Variants in TANC1 observed in about 807,000 individuals in gnomAD.
TANC1 encodes the protein protein TANC1.
Under a neutral mutation model 149.7 loss-of-function variants are expected in TANC1, and 77 were observed. The ratio of observed to expected loss-of-function variants is 0.51; its 90% CI spans 0.43 to 0.62. TANC1 has a LOEUF of 0.62. Among genes scored for constraint, TANC1 ranks in the 20% least tolerant of loss-of-function variants. The pLI is 0.00. For synonymous variants in TANC1, 854 were observed against 925.0 expected, an observed-to-expected ratio of 0.92 and a Z score of 1.39; for missense variants, 1,985 against 2,321.8, an observed-to-expected ratio of 0.85 and a Z score of 2.98.
At chr2:159,053,686 C>T (rs1182962363) in intron 2 of TANC1, among the ~76,000 whole-genome samples, 1 of 152,122 alleles carries the variant, frequency 6.6e-6, no homozygotes, top group East Asian at 1.9e-4. Flanking sequence ...AGAAATGAGG[C>T]AGTTTTCTGG....
At chr2:159,034,357 C>A (rs995113093) in intron 2 of TANC1, among the ~76,000 whole-genome samples, 1 of 152,214 alleles carries the variant, frequency 6.6e-6, no homozygotes, top group Admixed American at 6.5e-5. Context: ...AAATATTTCC[C>A]ACCTGACCCC....
intron 2 of TANC1, among the ~76,000 whole-genome samples, chr2:159,019,383 A>C (rs1016300140): frequency 6.6e-6 from 1 of 152,204 alleles, no homozygotes; most frequent in Non-Finnish European, 1.5e-5. Context: ...GCAAATTTTC[A>C]AGAGAAACTA....
At chr2:159,041,046 C>T (rs1227738826) in intron 2 of TANC1, among the ~76,000 whole-genome samples, 2 of 152,216 alleles carry the variant, frequency 1.3e-5, no homozygotes, top group Non-Finnish European at 2.9e-5. Flanking sequence ...TTGGAGTTTG[C>T]TGGAGGTTCA....
intron 2 of TANC1, among the ~76,000 whole-genome samples, chr2:159,059,063 T>C (rs1470306180): frequency 6.6e-6 from 1 of 150,988 alleles, no homozygotes; most frequent in Admixed American, 6.6e-5. Context: ...TGAAGTGTTT[T>C]TGCTTAGGAC....
chr2:159,042,770 G>A (rs898597866), intron 2 of TANC1, among the ~76,000 whole-genome samples: 1 of 152,000 alleles, frequency 6.6e-6, no homozygotes, highest in Non-Finnish European at 1.5e-5. Context: ...AAAGAGCAAA[G>A]GTGTGAAGTT....
chr2:159,177,767 CTCT>C (rs917284085), intron 13 of TANC1, among the ~76,000 whole-genome samples: 6 of 152,180 alleles, frequency 3.9e-5, no homozygotes, highest in East Asian at 1.9e-4. Flanking sequence ...AAAGGCAAAA[CTCT>C]TCTTTGCTTT....
At chr2:159,214,300 T>C (rs2059204922) in intron 19 of TANC1, among the ~76,000 whole-genome samples, 1 of 152,188 alleles carries the variant, frequency 6.6e-6, no homozygotes. Flanking sequence ...GCTCAACTCT[T>C]TAGCTTTCTG....
At chr2:159,002,920 G>A (rs2036755372) in intron 2 of TANC1, among the ~76,000 whole-genome samples, 1 of 152,214 alleles carries the variant, frequency 6.6e-6, no homozygotes, top group South Asian at 2.1e-4. Context: ...GACATCATGA[G>A]GGATTAAGTT....
At chr2:158,980,043 G>A (rs1189848134) in intron 1 of TANC1, among the ~76,000 whole-genome samples, 3 of 152,170 alleles carry the variant, frequency 2.0e-5, no homozygotes, top group Admixed American at 2.0e-4. Context: ...TTTAAGTAAA[G>A]CAAGAATTCC....
chr2:159,059,132 T>A (rs1456285591), intron 2 of TANC1, among the ~76,000 whole-genome samples: 2 of 152,170 alleles, frequency 1.3e-5, no homozygotes, highest in African/African-American at 4.8e-5. Flanking sequence ...GGTTGTTGAA[T>A]AAAGAATGAA....
chr2:159,230,575 A>C lies in TANC1; in HGVS notation c.5149A>C (p.Arg1717=), dbSNP rs755146086. The change falls in exon 27 of 27, where the codon AGA becomes CGA. Residue 1717 remains arginine, a synonymous_variant. Transcript: ENST00000263635. This position sits in a 1 kb window ranked among gnomAD's most constrained non-coding sequence, Gnocchi z 4.4. The part of the protein sequence containing the change: ...THVQSGTAEH[R]PRNTPFMGIM... The stretch of plus-strand genomic sequence containing the variant: ...CGTTCAGAGCGGTACAGCTGAGCAC[A>C]GACCCCGCAACACGCCGTTCATGGG... 1 of 1,614,236 alleles carries C rather than the reference A, an allele frequency of 6.2e-7. No homozygotes were observed. The highest frequency in any genetic ancestry group is 8.5e-7 in the Non-Finnish European group (1 of 1,180,042).
intron 23 of TANC1, chr2:159,225,412 A>G (rs765548369): frequency 1.9e-6 from 1 of 519,918 alleles, no homozygotes; most frequent in Non-Finnish European, 3.5e-6. Context: ...TTTTCCCCAC[A>G]TCCCACCCGG....
At position 159,152,615 on chromosome 2, in the gene TANC1, G is replaced by A. The variant is rs142635136; in HGVS notation, c.682+2059G>A. Among the ~76,000 whole-genome samples the A allele has an allele frequency of 3.5e-3, 536 of 151,858 alleles. 1 individual carries two copies. The highest frequency in any genetic ancestry group is 0.01 in the Middle Eastern group (3 of 294). On this transcript the variant is annotated intron_variant, in intron 7 of 26. Coordinates refer to ENST00000263635, the MANE Select transcript of TANC1 (RefSeq NM_033394.3). ...TGCAATCCTCCCACCTCAGGTTCCCGGGTAGTTGGGACTACAGGCATGTGC... is the reference window on the plus strand; with the variant it reads ...TGCAATCCTCCCACCTCAGGTTCCCAGGTAGTTGGGACTACAGGCATGTGC...
intron 4 of TANC1, among the ~76,000 whole-genome samples, chr2:159,133,361 CT>C (rs11342953): frequency 0.56 from 69,885 of 125,456 alleles, 17,377 homozygotes; most frequent in Non-Finnish European, 0.62. Flanking sequence ...TTTTTTTTCT[CT>C]TTTTTTGTCT....
intron 2 of TANC1, among the ~76,000 whole-genome samples, chr2:159,025,184 C>CT (rs2039177914): frequency 8.9e-5 from 12 of 134,392 alleles, no homozygotes; most frequent in Admixed American, 5.3e-4. Flanking sequence ...CTTTCTTTTT[C>CT]TTTCTTTTCT....
At chr2:159,174,298 C>T (rs1189060430) in intron 11 of TANC1, among the ~76,000 whole-genome samples, 1 of 152,166 alleles carries the variant, frequency 6.6e-6, no homozygotes, top group Non-Finnish European at 1.5e-5. Context: ...CTTTTCCTCT[C>T]AGTACCTGGG....
chr2:159,141,682 C>T (rs1219098818), intron 5 of TANC1, among the ~76,000 whole-genome samples: 1 of 152,160 alleles, frequency 6.6e-6, no homozygotes, highest in African/African-American at 2.4e-5. Context: ...ATAAACTGGT[C>T]AGCCATTTGC....
At chr2:159,123,361 G>T (rs1322867690) in intron 4 of TANC1, among the ~76,000 whole-genome samples, 2 of 152,144 alleles carry the variant, frequency 1.3e-5, no homozygotes, top group African/African-American at 4.8e-5. Flanking sequence ...AAGAGAGAGT[G>T]CTATTGAGTG....
rs568206907 is a variant in TANC1, at chr2:159,044,091, C to T, written c.-15-21805C>T. 4.6e-5 allele frequency among the ~76,000 whole-genome samples: 7 copies of T among 152,256 alleles called. No individual in the cohort carries two copies. In the South Asian group the frequency reaches 6.2e-4, roughly 14 times the overall value. On this transcript the variant is annotated intron_variant, in intron 2 of 26. Coordinates refer to ENST00000263635, the MANE Select transcript of TANC1 (RefSeq NM_033394.3). ...TAGGAACTTGGGGAAACTTGCTAAC[C>T]GTGTGCTGAGATCTCCCTGTATTGT... is the stretch of plus-strand genomic sequence containing the variant.
Sources: gnomAD v4.1 joint callset for allele counts (sites outside exome capture counted in the v4.1 genomes callset) on GRCh38, gnomAD v4.1.1 for gene constraint, Gnocchi (gnomAD v3.1) non-coding constraint, MANE v1.5 for transcripts, NCBI Gene and HGNC (gene_info 2026-07-23, HGNC 2026-07-21) for gene names.